The following CDK13 variants were observed in gnomAD, a reference collection of about 807,000 sequenced individuals.
CDK13 encodes cyclin-dependent kinase 13.
A neutral mutation model predicts 137.6 loss-of-function variants in CDK13; 40 were observed. That is an observed-to-expected ratio of 0.29 (90% CI 0.23 to 0.38). CDK13 has a LOEUF of 0.38. CDK13 is among the 10% of genes least tolerant of loss of function. The pLI, the probability that CDK13 is intolerant of heterozygous loss-of-function variation, is 1.00. For synonymous variants in CDK13, 869 were observed against 760.1 expected (o/e 1.14, Z -2.36); for missense variants, 1,704 against 1,951.8 (o/e 0.87, Z 2.39).
At chr7:40,000,711 T>G (rs1784664478) in intron 4 of CDK13, among the ~76,000 whole-genome samples, 1 of 152,122 alleles carries the variant, frequency 6.6e-6, no homozygotes, top group Non-Finnish European at 1.5e-5. Context: ...TTAAAACTGT[T>G]AAGTAAAACG....
chr7:40,094,587 T>G lies in CDK13; in HGVS notation c.4146T>G (p.Thr1382=). Residue 1382 remains threonine, a synonymous_variant, in exon 14 of 14, where the codon ACT becomes ACG. Transcript: ENST00000181839. ...TTCAGTCTTTGGATAACTACAGTAC[T>G]GCTTCATCTCATTCTGGTGGTCCAC... ...SDIQSLDNYS[T]ASSHSGGPPQ... 6.2e-7 allele frequency: 1 copy of G among 1,613,506 alleles called. No individual in the cohort carries two copies. Among genetic ancestry groups the G allele is most frequent in the African/African-American group, 1.3e-5 (1 of 75,048 alleles).
intron 9 of CDK13, among the ~76,000 whole-genome samples, chr7:40,064,848 T>C (rs1021842046): frequency 6.6e-6 from 1 of 150,528 alleles, no homozygotes; most frequent in Non-Finnish European, 1.5e-5. Context: ...CTGGAGTGCA[T>C]TGGGGCAGTC....
rs1206319683 is a variant in CDK13, at chr7:39,960,776, T to C, written c.1211+8924T>C. Among the ~76,000 whole-genome samples the C allele has an allele frequency of 2.6e-5, 4 of 151,218 alleles. No individual in the cohort carries two copies. In the East Asian group the frequency reaches 6.0e-4, roughly 23 times the overall value. ...TTTTAGTAGAGATGAGGTTTTGCCATGTTGGCCAGGCTGGTCTCGAACTCC... is the reference window on the plus strand; with the variant it reads ...TTTTAGTAGAGATGAGGTTTTGCCACGTTGGCCAGGCTGGTCTCGAACTCC... On this transcript the variant is annotated intron_variant, in intron 1 of 13. Transcript: ENST00000181839.
intron 9 of CDK13, among the ~76,000 whole-genome samples, chr7:40,066,484 G>A (rs930700478): frequency 2.0e-5 from 3 of 152,178 alleles, no homozygotes; most frequent in Non-Finnish European, 4.4e-5. Flanking sequence ...CAGTTGAAGA[G>A]TATGCTGAAC....
Position 39,997,556 on chromosome 7 carries a change from T to G in CDK13, c.1934T>G (p.Leu645Arg). The G allele has an allele frequency of 2.5e-6, 4 of 1,605,482 alleles. No homozygotes were observed. The highest frequency in any genetic ancestry group is 3.4e-6 in the Non-Finnish European group (4 of 1,178,026). Residue 645 changes from leucine (L) to arginine (R), a missense_variant, in exon 3 of 14, where the codon CTT becomes CGT. Transcript: ENST00000181839. ...KKEVEKKLRC[L>R]LADLPLPPEL... ...GAAGTAGAAAAGAAACTCCGATGTCTTCTTGCTGATTTACCGCTGCCCCCT... is the reference window on the plus strand; with the variant it reads ...GAAGTAGAAAAGAAACTCCGATGTCGTCTTGCTGATTTACCGCTGCCCCCT...
chr7:39,997,728 C>A, intron 3 of CDK13, 64 bp downstream of exon 3: 2 of 1,169,370 alleles, frequency 1.7e-6, no homozygotes, highest in South Asian at 1.3e-5. Context: ...ATCAGAAGTT[C>A]ATAAAACACT....
chr7:40,087,648 A>G (rs1786821330), intron 11 of CDK13, among the ~76,000 whole-genome samples: 1 of 145,304 alleles, frequency 6.9e-6, no homozygotes, highest in Admixed American at 7.2e-5. Context: ...TCCCGGGTTC[A>G]TGCCATTCTC....
chr7:40,008,441 C>T (rs1282595879), intron 5 of CDK13, among the ~76,000 whole-genome samples: 3 of 152,132 alleles, frequency 2.0e-5, no homozygotes, highest in Non-Finnish European at 4.4e-5. Context: ...TTTCTGGAAC[C>T]AGAAGAATCA....
At chr7:40,006,810 G>A (rs1332228105) in intron 5 of CDK13, among the ~76,000 whole-genome samples, 3 of 152,148 alleles carry the variant, frequency 2.0e-5, no homozygotes, top group African/African-American at 4.8e-5. Context: ...AGATTTTTAT[G>A]CTGTATGAAG....
intron 7 of CDK13, among the ~76,000 whole-genome samples, chr7:40,051,460 C>CATT (rs951869899): frequency 3.9e-5 from 6 of 152,046 alleles, no homozygotes; most frequent in African/African-American, 1.4e-4. Flanking sequence ...AAATATGTAA[C>CATT]AAATGATTTT....
chr7:40,056,195 T>G (rs1284846457), intron 7 of CDK13, among the ~76,000 whole-genome samples: 2 of 152,224 alleles, frequency 1.3e-5, no homozygotes, highest in East Asian at 3.8e-4. Context: ...CAATATTTGC[T>G]TCTTTTTCAT....
At chr7:39,954,899 GGT>G (rs1008744210) in intron 1 of CDK13, among the ~76,000 whole-genome samples, 1 of 152,182 alleles carries the variant, frequency 6.6e-6, no homozygotes, top group Non-Finnish European at 1.5e-5. Flanking sequence ...AGGGATTACA[GGT>G]GTGAGCCACC....
rs193130217 is a variant in CDK13, at chr7:39,993,189, A to G, written c.1872-4305A>G. Among the ~76,000 whole-genome samples the G allele has an allele frequency of 3.3e-5, 5 of 152,334 alleles. No homozygotes were observed. In the East Asian group the frequency reaches 9.6e-4, roughly 29 times the overall value. On this transcript the variant is annotated intron_variant, in intron 2 of 13. Coordinates refer to ENST00000181839, the MANE Select transcript of CDK13 (RefSeq NM_003718.5). ...TTTTTTTTTCCATTGCTGCTGCACAAATTAAAAATGGTTATTTTCTAATTC... is the reference window on the plus strand; with the variant it reads ...TTTTTTTTTCCATTGCTGCTGCACAGATTAAAAATGGTTATTTTCTAATTC...
intron 2 of CDK13, among the ~76,000 whole-genome samples, chr7:39,995,488 T>A (rs1441186649): frequency 6.6e-6 from 1 of 152,208 alleles, no homozygotes; most frequent in Non-Finnish European, 1.5e-5. Context: ...TAGCCACCCT[T>A]TAGCTACTTC....
intron 1 of CDK13, among the ~76,000 whole-genome samples, chr7:39,955,788 T>A (rs1469633147): frequency 2.0e-5 from 3 of 152,170 alleles, no homozygotes; most frequent in Non-Finnish European, 4.4e-5. Context: ...TTAATTACTC[T>A]TAGTTATTGG....
intron 5 of CDK13, among the ~76,000 whole-genome samples, chr7:40,003,746 C>T (rs942449595): frequency 6.6e-6 from 1 of 152,156 alleles, no homozygotes; most frequent in Non-Finnish European, 1.5e-5. Flanking sequence ...CTGCCTACTT[C>T]TCCAATCCCA....
intron 1 of CDK13, among the ~76,000 whole-genome samples, chr7:39,972,563 G>T (rs1281162157): frequency 6.6e-6 from 1 of 152,148 alleles, no homozygotes; most frequent in Non-Finnish European, 1.5e-5. Context: ...CATTTCAGTG[G>T]AATCATATAA....
chr7:40,009,498 A>G (rs1251136506), intron 5 of CDK13, among the ~76,000 whole-genome samples: 1 of 152,270 alleles, frequency 6.6e-6, no homozygotes, highest in Non-Finnish European at 1.5e-5. Context: ...AAAGTCTTAC[A>G]TAATGAGCAG....
intron 1 of CDK13, among the ~76,000 whole-genome samples, chr7:39,969,025 G>A (rs546594248): frequency 6.6e-6 from 1 of 152,158 alleles, no homozygotes; most frequent in East Asian, 1.9e-4. Context: ...TTGTTTGTTT[G>A]TTTGTTTTGA....
Sources: allele counts gnomAD v4.1 joint callset (sites outside exome capture counted in the v4.1 genomes callset), GRCh38; gene constraint gnomAD v4.1.1; transcripts MANE v1.5; gene names NCBI Gene and HGNC (gene_info 2026-07-23, HGNC 2026-07-21).